The following NXPE2 variants were observed in gnomAD, a reference collection of about 807,000 sequenced individuals.
NXPE2 encodes neurexophilin and PC-esterase domain family member 2, also known as NXPE family member 2.
A neutral mutation model predicts 34.4 loss-of-function variants in NXPE2; 34 were observed. The ratio of observed to expected loss-of-function variants is 0.99; its 90% CI spans 0.75 to 1.31. NXPE2 has a LOEUF of 1.31. Ranked by LOEUF, NXPE2 falls within the 40% of genes most tolerant of loss-of-function variation. NXPE2 has a pLI of 0.00. For missense variants in NXPE2, 649 were observed against 672.5 expected (o/e 0.97, Z 0.39); for synonymous variants, 235 against 231.3 (o/e 1.02, Z -0.15).
intron 2 of NXPE2, among the ~76,000 whole-genome samples, chr11:114,695,861 AC>A: frequency 6.6e-6 from 1 of 151,274 alleles, no homozygotes; most frequent in East Asian, 1.9e-4. Context: ...ACACACACAC[AC>A]ACACAATTAG....
At chr11:114,613,647 C>G in the NXPE2 span, among the ~76,000 whole-genome samples, 1 of 152,072 alleles carries the variant, frequency 6.6e-6, no homozygotes, top group South Asian at 2.1e-4. Flanking sequence ...CAAGTGTTGC[C>G]TTTGGTAACC....
the NXPE2 span, among the ~76,000 whole-genome samples, chr11:114,801,853 CAGAGA>C: frequency 2.0e-5 from 3 of 151,932 alleles, no homozygotes; most frequent in Non-Finnish European, 2.9e-5. Flanking sequence ...GGGGTAGGGG[CAGAGA>C]GGAGAGGAGA....
At chr11:114,602,348 A>G in the NXPE2 span, among the ~76,000 whole-genome samples, 2 of 126,042 alleles carry the variant, frequency 1.6e-5, no homozygotes, top group African/African-American at 3.0e-5. Flanking sequence ...TCTATAACAT[A>G]TACTATATAT....
chr11:114,743,793 A>G, the NXPE2 span, among the ~76,000 whole-genome samples: 3 of 148,216 alleles, frequency 2.0e-5, no homozygotes, highest in South Asian at 6.4e-4. Flanking sequence ...TATATTATGT[A>G]TATGTGTGTG....
chr11:114,634,846 A>G, the NXPE2 span, among the ~76,000 whole-genome samples: 1 of 151,944 alleles, frequency 6.6e-6, no homozygotes, highest in African/African-American at 2.4e-5. Flanking sequence ...TATCAGTGCT[A>G]TGCTGTTTTG....
the NXPE2 span, among the ~76,000 whole-genome samples, chr11:114,527,518 C>T: frequency 0.014 from 2,080 of 152,116 alleles, 50 homozygotes; most frequent in African/African-American, 0.048. Context: ...AAACCAAAAC[C>T]GAAAGTGTTC....
At chr11:114,523,354 A>G in the NXPE2 span, among the ~76,000 whole-genome samples, 3 of 151,878 alleles carry the variant, frequency 2.0e-5, no homozygotes, top group South Asian at 2.1e-4. Context: ...TTGACGTTCT[A>G]TCCTTTCTTT....
At chr11:114,775,632 C>T in the NXPE2 span, among the ~76,000 whole-genome samples, 1,137 of 152,276 alleles carry the variant, frequency 7.5e-3, 6 homozygotes, top group African/African-American at 0.013. Flanking sequence ...AGTGAGTGAA[C>T]GCAAGCATCT....
At chr11:114,656,038 C>T in the NXPE2 span, among the ~76,000 whole-genome samples, 1 of 152,154 alleles carries the variant, frequency 6.6e-6, no homozygotes, top group Non-Finnish European at 1.5e-5. Context: ...CCCATCATCT[C>T]AGCCCCAAAA....
the NXPE2 span, among the ~76,000 whole-genome samples, chr11:114,476,637 CAA>C: frequency 4.6e-5 from 7 of 152,010 alleles, no homozygotes; most frequent in East Asian, 1.9e-4. Context: ...CACAAGGTGG[CAA>C]GAGAGAGAGA....
At chr11:114,571,162 T>C in the NXPE2 span, 7 of 1,614,042 alleles carry the variant, frequency 4.3e-6, no homozygotes, top group Non-Finnish European at 5.9e-6. Context: ...GTTTTGATGA[T>C]AACCATAGTG....
chr11:114,634,945 G>C, the NXPE2 span, among the ~76,000 whole-genome samples: 1 of 151,930 alleles, frequency 6.6e-6, no homozygotes, highest in Non-Finnish European at 1.5e-5. Flanking sequence ...TTGGTGATGA[G>C]GGCCCTTTTT....
the NXPE2 span, among the ~76,000 whole-genome samples, chr11:114,633,080 T>C: frequency 8.3e-6 from 1 of 119,860 alleles, no homozygotes; most frequent in Admixed American, 1.0e-4. Flanking sequence ...TTTTATAATT[T>C]ATCTTTTATG....
At chr11:114,567,788 C>G in the NXPE2 span, among the ~76,000 whole-genome samples, 1 of 151,862 alleles carries the variant, frequency 6.6e-6, no homozygotes, top group African/African-American at 2.4e-5. Context: ...AGTTTCTTTT[C>G]AGTATATTCT....
the NXPE2 span, among the ~76,000 whole-genome samples, chr11:114,665,889 G>A: frequency 2.0e-5 from 3 of 152,094 alleles, no homozygotes; most frequent in Non-Finnish European, 1.5e-5. Context: ...ACCTTTGCTT[G>A]CACTAAAATA....
intron 3 of NXPE2, among the ~76,000 whole-genome samples, chr11:114,699,796 A>T (rs1951331125): frequency 7.7e-6 from 1 of 129,638 alleles, no homozygotes; most frequent in Non-Finnish European, 1.7e-5. Context: ...CCATTCATTC[A>T]TTTTTTTTTT....
the NXPE2 span, among the ~76,000 whole-genome samples, chr11:114,718,797 C>T: frequency 6.6e-6 from 1 of 152,160 alleles, no homozygotes; most frequent in Non-Finnish European, 1.5e-5. Flanking sequence ...CCTTATTTAT[C>T]ATCATTGGAG....
At chr11:114,492,326 G>A in the NXPE2 span, among the ~76,000 whole-genome samples, 1 of 151,886 alleles carries the variant, frequency 6.6e-6, no homozygotes, top group Non-Finnish European at 1.5e-5. Context: ...TCGATTTGTA[G>A]TTTTATTCCA....
chr11:114,573,777 T>C, the NXPE2 span, among the ~76,000 whole-genome samples: 2 of 151,918 alleles, frequency 1.3e-5, no homozygotes, highest in African/African-American at 2.4e-5. Context: ...ACTTTAACAC[T>C]CCACTGACAG....
Sources: gnomAD v4.1 joint callset for allele counts (sites outside exome capture counted in the v4.1 genomes callset) on GRCh38, gnomAD v4.1.1 for gene constraint, MANE v1.5 for transcripts, NCBI Gene and HGNC (gene_info 2026-07-23, HGNC 2026-07-21) for gene names.